Variants in CAPN15 observed in about 807,000 individuals in gnomAD.
CAPN15 encodes calpain 15, also known as calpain-15.
A neutral mutation model predicts 97.9 loss-of-function variants in CAPN15; 53 were observed. That is an observed-to-expected ratio of 0.54 (90% CI 0.43 to 0.68). CAPN15 has a LOEUF of 0.68. Among genes scored for constraint, CAPN15 ranks in the 30% least tolerant of loss-of-function variants. CAPN15 has a pLI of 0.00. For synonymous variants in CAPN15, 922 were observed against 722.5 expected (o/e 1.28, Z -4.43); for missense variants, 1,592 against 1,589.8 (o/e 1.00, Z -0.02).
At position 552,755 on chromosome 16, in the gene CAPN15, G is replaced by A. The variant is rs765373235; in HGVS notation, c.2888G>A (p.Arg963His). 158 of 1,537,994 alleles carry A rather than the reference G, an allele frequency of 1.0e-4. No individual in the cohort carries two copies. Among genetic ancestry groups the A allele is most frequent in the Middle Eastern group, 2.2e-4 (1 of 4,560 alleles). Reference protein sequence around the residue: ...ADAIILLTESRGERHEGREGM... With the variant: ...ADAIILLTESHGERHEGREGM... ...GCCATCATCCTGCTCACCGAGAGCC[G>A]CGGAGAGCGGCACGAGGTGGGTGGG... Residue 963 changes from arginine to histidine, a missense_variant, in exon 12 of 14, where the codon CGC becomes CAC. Physicochemically the swap from Arg to His is conservative, Grantham distance 29. Around this residue, in one of 3 missense-constraint regions of CAPN15, gnomAD observed 644 missense variants for 699.6 expected, o/e 0.92. Transcript: ENST00000219611. The surrounding 1 kb of genome is among the most constrained non-coding windows in gnomAD (Gnocchi z 6.4).
chr16:536,632 C>T (rs956534675), intron 3 of CAPN15, among the ~76,000 whole-genome samples: 13 of 152,158 alleles, frequency 8.5e-5, no homozygotes, highest in Non-Finnish European at 1.6e-4. Flanking sequence ...CTCCATCTTG[C>T]GCAGGCTAGT....
chr16:549,956 G>A (rs1467765980), intron 7 of CAPN15, 118 bp downstream of exon 7: 17 of 837,832 alleles, frequency 2.0e-5, no homozygotes, highest in Non-Finnish European at 2.8e-5. Context: ...TGCCCCTGGC[G>A]TGGGCTGACC....
At position 551,572 on chromosome 16, in the gene CAPN15, G is replaced by A. The variant is rs1248256478; in HGVS notation, c.2253G>A (p.Glu751=). 8.1e-6 allele frequency: 13 copies of A among 1,611,428 alleles called. No homozygotes were observed. The highest frequency in any genetic ancestry group is 1.1e-5 in the Non-Finnish European group (13 of 1,179,540). The change falls in exon 9 of 14, where the codon GAG becomes GAA. Residue 751 remains glutamate, a synonymous_variant. Coordinates refer to ENST00000219611, the MANE Select transcript of CAPN15 (RefSeq NM_005632.3). ...RFSWNGSWSD[E]WPHWPGHLRG... is the part of the protein sequence containing the mutation. ...CCTGGAACGGCAGCTGGTCCGACGAGTGGCCACACTGGCCGGGGCACCTGC... is the reference window on the plus strand; with the variant it reads ...CCTGGAACGGCAGCTGGTCCGACGAATGGCCACACTGGCCGGGGCACCTGC...
chr16:538,879 C>G (rs530861958), intron 3 of CAPN15: 4 of 151,968 alleles, frequency 2.6e-5, no homozygotes, highest in Admixed American at 6.5e-5. Flanking sequence ...ACCCCCACCC[C>G]CCCCAGCCCG....
chr16:547,219 C>CGAGGAGGAG lies in CAPN15; in HGVS notation c.382_390dup (p.Glu128_Glu130dup). ...CCAGGGGGCAGTGCGAGGACAAGGACGAGGAGGAGAAGGAGGAGCAGGAGG... is the reference window on the plus strand; with the variant it reads ...CCAGGGGGCAGTGCGAGGACAAGGACGAGGAGGAGGAGGAGGAGAAGGAGGAGCAGGAGG... On this transcript the variant is annotated inframe_insertion, in exon 4 of 14. Transcript: ENST00000219611. 6.6e-7 allele frequency: 1 copy of CGAGGAGGAG among 1,526,368 alleles called. No individual in the cohort carries two copies. The highest frequency in any genetic ancestry group is 8.8e-7 in the Non-Finnish European group (1 of 1,142,450). The allele number at this position is 1,526,368 out of a possible 1,614,324, so 94.6% of individuals were successfully genotyped here. A position where few individuals can be genotyped will look rare whatever the true frequency, so the allele number is the denominator to read the frequency against.
chr16:550,700 GGTCGGTGAGGGT>G (rs2034938458), intron 7 of CAPN15, among the ~76,000 whole-genome samples: 1 of 108,536 alleles, frequency 9.2e-6, no homozygotes, highest in African/African-American at 3.2e-5. Context: ...TGAGGGTCCC[GGTCGGTGAGGGT>G]CCCCTGTCGG....
chr16:539,443 T>TA (rs1457105003), intron 3 of CAPN15: 2 of 152,180 alleles, frequency 1.3e-5, no homozygotes, highest in African/African-American at 4.8e-5. Flanking sequence ...CCAGAGGGGG[T>TA]AAGGTGGCCT....
At chr16:542,763 A>AG (rs1439283789) in intron 3 of CAPN15, among the ~76,000 whole-genome samples, 3 of 151,860 alleles carry the variant, frequency 2.0e-5, no homozygotes, top group Non-Finnish European at 4.4e-5. Context: ...AATTAGAAAA[A>AG]AAAAATTTGG....
chr16:553,923 A>ACCACCCCTCAGATC lies in CAPN15; in HGVS notation c.*417_*418insGATCCCACCCCTCA, dbSNP rs2035280269. 1 of 193,520 alleles carries ACCACCCCTCAGATC rather than the reference A, an allele frequency of 5.2e-6. No homozygotes were observed. The highest frequency in any genetic ancestry group is 2.4e-5 in the African/African-American group (1 of 42,340). 12.0% of individuals were successfully genotyped at this position (193,520 alleles called of 1,614,324 possible). ...CCAAGACCCTGGGGTGGGATCAGGG[A>ACCACCCCTCAGATC]CCACCCCTCACGGGGCATAAGGTCA... On this transcript the variant is annotated 3_prime_UTR_variant, in exon 14 of 14. Coordinates refer to ENST00000219611, the MANE Select transcript of CAPN15 (RefSeq NM_005632.3).
chr16:537,133 G>A, intron 3 of CAPN15: 1 of 985,498 alleles, frequency 1.0e-6, no homozygotes. Flanking sequence ...TTTCTCTGCA[G>A]GGTCCTCTCT....
intron 3 of CAPN15, 140 bp downstream of exon 3, chr16:536,282 C>T: frequency 6.2e-6 from 1 of 160,958 alleles, no homozygotes; most frequent in Non-Finnish European, 1.3e-5. Flanking sequence ...TCAGCCCTGG[C>T]TGGGCGCTGT....
chr16:551,929 A>G, intron 9 of CAPN15, 122 bp from the exon 10 acceptor site: 2 of 1,171,504 alleles, frequency 1.7e-6, no homozygotes, highest in Non-Finnish European at 2.5e-6. Context: ...CCGGGCTGCA[A>G]GAGGACGGTG....
At chr16:543,568 G>T (rs939010086) in intron 3 of CAPN15, among the ~76,000 whole-genome samples, 1 of 152,130 alleles carries the variant, frequency 6.6e-6, no homozygotes, top group African/African-American at 2.4e-5. Flanking sequence ...GGCCACTCCT[G>T]CCCGTGCCCG....
At position 553,488 on chromosome 16, in the gene CAPN15, C is replaced by T; in HGVS notation, c.3233C>T (p.Ala1078Val). 6.2e-7 allele frequency: 1 copy of T among 1,610,242 alleles called. No homozygotes were observed. Among genetic ancestry groups the T allele is most frequent in the Non-Finnish European group, 8.5e-7 (1 of 1,178,710 alleles). Residue 1078 changes from alanine (A) to valine (V), a missense_variant, in exon 14 of 14, where the codon GCC becomes GTC. Physicochemically the swap from Ala to Val is moderately conservative, Grantham distance 64 (BLOSUM62 0). Around this residue, in one of 3 missense-constraint regions of CAPN15, gnomAD observed 644 missense variants for 699.6 expected, o/e 0.92. Coordinates refer to ENST00000219611, the MANE Select transcript of CAPN15 (RefSeq NM_005632.3). ...THSPPLTPEV[A>V]GLHGPRPL ...AGCCCCCCACTCACGCCAGAGGTCG[C>T]CGGTCTGCATGGGCCCCGACCGCTG...
In CAPN15 at chr16:552,849, A is replaced by T; in HGVS notation, c.2905-14A>T. The stretch of plus-strand genomic sequence containing the variant: ...GCACCTCCCCTGCCCCACAACTGCC[A>T]TTCCTGTGCCCAGGGCCGTGAGGGC... On this transcript the variant is annotated splice_polypyrimidine_tract_variant and intron_variant, in intron 12 of 13. Coordinates refer to ENST00000219611, the MANE Select transcript of CAPN15 (RefSeq NM_005632.3). The surrounding 1 kb of genome is among the most constrained non-coding windows in gnomAD (Gnocchi z 6.4). 1 of 1,359,472 alleles carries T rather than the reference A, an allele frequency of 7.4e-7. No individual in the cohort carries two copies. Among genetic ancestry groups the T allele is most frequent in the Non-Finnish European group, 9.9e-7 (1 of 1,014,986 alleles). 84.2% of individuals were successfully genotyped at this position (1,359,472 alleles called of 1,614,324 possible). A position where few individuals can be genotyped will look rare whatever the true frequency, so the allele number is the denominator to read the frequency against.
chr16:528,607 G>A, intron 1 of CAPN15: 1 of 407,098 alleles, frequency 2.5e-6, no homozygotes, highest in African/African-American at 2.2e-5. Context: ...CCCGCTGGCT[G>A]CAGAAGGGGC....
intron 3 of CAPN15, chr16:540,440 C>T (rs577630629): frequency 1.3e-6 from 1 of 786,144 alleles, no homozygotes; most frequent in Admixed American, 6.2e-5. Context: ...AGGGTGCCCC[C>T]TCCTTGGCAG....
At chr16:532,975 C>T (rs2033381628) in intron 1 of CAPN15, among the ~76,000 whole-genome samples, 1 of 152,072 alleles carries the variant, frequency 6.6e-6, no homozygotes, top group South Asian at 2.1e-4. Context: ...AATCCCAGCA[C>T]TGGGGGAGGC....
intron 9 of CAPN15, 48 bp downstream of exon 9, chr16:551,712 G>A (rs1361299613): frequency 1.3e-6 from 2 of 1,576,868 alleles, no homozygotes; most frequent in African/African-American, 1.3e-5. Flanking sequence ...CCCTCCTAGG[G>A]CCGAGTCCTT....
Sources: gnomAD v4.1 joint callset for allele counts (sites outside exome capture counted in the v4.1 genomes callset) on GRCh38, gnomAD v4.1.1 for gene constraint, gnomAD v4.1.1 regional missense constraint, Gnocchi (gnomAD v3.1) non-coding constraint, MANE v1.5 for transcripts, NCBI Gene and HGNC (gene_info 2026-07-23, HGNC 2026-07-21) for gene names.